Variants in PCDH17 observed in about 807,000 individuals in gnomAD.
PCDH17 encodes the protein protocadherin 17.
In PCDH17, 21 loss-of-function variants were observed where a neutral mutation model predicts 67.7. The ratio of observed to expected loss-of-function variants is 0.31; its 90% CI spans 0.22 to 0.45. The LOEUF is 0.45. Ranked by LOEUF, PCDH17 falls within the 20% of genes least tolerant of loss-of-function variation. The probability of loss-of-function intolerance (pLI) is 1.00; values close to 1 mark genes in which losing one functional copy is unlikely to be tolerated. For synonymous variants in PCDH17, 701 were observed against 656.7 expected (o/e 1.07, Z -1.03); for missense variants, 1,471 against 1,564.8 (o/e 0.94, Z 1.01).
chr13:57,711,272 C>T (rs1203698706), intron 3 of PCDH17, among the ~76,000 whole-genome samples: 1 of 151,886 alleles, frequency 6.6e-6, no homozygotes, highest in Non-Finnish European at 1.5e-5. Context: ...CATGCACAGG[C>T]ACATGTACAC....
chr13:57,659,250 A>G (rs866751719), intron 1 of PCDH17, among the ~76,000 whole-genome samples: 10 of 152,286 alleles, frequency 6.6e-5, no homozygotes, highest in South Asian at 4.1e-4. Flanking sequence ...CATAGAATAC[A>G]GTTTCCTACT....
intron 1 of PCDH17, among the ~76,000 whole-genome samples, chr13:57,646,698 C>T (rs1420368504): frequency 7.9e-5 from 12 of 151,648 alleles, no homozygotes; most frequent in African/African-American, 2.7e-4. Flanking sequence ...TTTCAACCTT[C>T]GTAGACAAGA....
intron 1 of PCDH17, among the ~76,000 whole-genome samples, chr13:57,638,348 C>G (rs893227988): frequency 6.6e-6 from 1 of 152,056 alleles, no homozygotes; most frequent in Non-Finnish European, 1.5e-5. Context: ...GGTGACTTCT[C>G]AACAGGTGTT....
chr13:57,668,823 C>T lies in PCDH17; in HGVS notation c.2797+1990C>T, dbSNP rs541702623. Among the ~76,000 whole-genome samples, 14 of 152,086 alleles carry T rather than the reference C, an allele frequency of 9.2e-5. No individual in the cohort carries two copies. The South Asian group carries it at 2.5e-3, about 27-fold the overall frequency. ...ATTATGTGTAAAAGACTGGCTTCCA[C>T]TTTAAAGCATGATTTATATATATAT... On this transcript the variant is annotated intron_variant, in intron 3 of 3. Transcript: ENST00000377918.
At chr13:57,687,552 A>T (rs1182110501) in intron 3 of PCDH17, among the ~76,000 whole-genome samples, 4 of 151,942 alleles carry the variant, frequency 2.6e-5, no homozygotes, top group South Asian at 2.1e-4. Flanking sequence ...TCATTTTTTT[A>T]AAAAATCTAA....
intron 3 of PCDH17, among the ~76,000 whole-genome samples, chr13:57,707,334 C>CGT (rs56840875): frequency 0.11 from 16,318 of 145,644 alleles, 901 homozygotes; most frequent in Admixed American, 0.14. Flanking sequence ...GATATATGAC[C>CGT]GTGTGTGTGT....
At chr13:57,692,409 G>C (rs1180899140) in intron 3 of PCDH17, among the ~76,000 whole-genome samples, 1 of 151,132 alleles carries the variant, frequency 6.6e-6, no homozygotes, top group Non-Finnish European at 1.5e-5. Flanking sequence ...AAGTTAACTA[G>C]GCTGACATTT....
intron 3 of PCDH17, among the ~76,000 whole-genome samples, chr13:57,679,232 G>T (rs1049908586): frequency 6.6e-6 from 1 of 151,106 alleles, no homozygotes; most frequent in Admixed American, 6.6e-5. Flanking sequence ...TTCTTGACAA[G>T]TTATATTGAT....
At chr13:57,668,019 C>T (rs1955276738) in intron 3 of PCDH17, among the ~76,000 whole-genome samples, 1 of 151,292 alleles carries the variant, frequency 6.6e-6, no homozygotes, top group African/African-American at 2.4e-5. Context: ...GTAGTAATTG[C>T]TAGACCGATG....
At chr13:57,646,169 A>G (rs1002715813) in intron 1 of PCDH17, among the ~76,000 whole-genome samples, 1 of 151,640 alleles carries the variant, frequency 6.6e-6, no homozygotes, top group African/African-American at 2.4e-5. Flanking sequence ...TAATAAGCCA[A>G]CTTACAACAT....
chr13:57,725,418 G>T lies in PCDH17; in HGVS notation c.*124G>T. On this transcript the variant is annotated 3_prime_UTR_variant, in exon 4 of 4. Transcript: ENST00000377918. Reference sequence around the variant, plus strand: ...GACCAATGCTGCTTTAAGGCTTTTAGTGAACATCTGAAGTGCCCACAAGTA... The same window carrying T: ...GACCAATGCTGCTTTAAGGCTTTTATTGAACATCTGAAGTGCCCACAAGTA... 1.3e-6 allele frequency: 1 copy of T among 787,632 alleles called. No individual in the cohort carries two copies. The highest frequency in any genetic ancestry group is 2.0e-6 in the Non-Finnish European group (1 of 503,002). 48.8% of individuals were successfully genotyped at this position (787,632 alleles called of 1,614,324 possible).
At chr13:57,702,832 G>A (rs535893474) in intron 3 of PCDH17, among the ~76,000 whole-genome samples, 5 of 152,190 alleles carry the variant, frequency 3.3e-5, no homozygotes, top group South Asian at 4.1e-4. Flanking sequence ...GAACTGCTGC[G>A]ACAATGAGTT....
In PCDH17 at chr13:57,724,074, CAGT is replaced by C. The variant is rs1404822443; in HGVS notation, c.2798-535_2798-533del. 5.3e-5 allele frequency among the ~76,000 whole-genome samples: 8 copies of C among 152,226 alleles called. No homozygotes were observed. In the East Asian group the frequency reaches 1.5e-3, roughly 29 times the overall value. ...GATAAAAAATTCCATTTGCCACTCT[CAGT>C]AGGAAAAGTAAGCATTTAAAGGAAA... On this transcript the variant is annotated intron_variant, in intron 3 of 3. Transcript: ENST00000377918.
chr13:57,660,601 A>G (rs1955171073), intron 1 of PCDH17, among the ~76,000 whole-genome samples: 1 of 152,204 alleles, frequency 6.6e-6, no homozygotes. Context: ...GACTGTTCAT[A>G]CATGTGTAGT....
intron 3 of PCDH17, among the ~76,000 whole-genome samples, chr13:57,679,047 G>A (rs769333022): frequency 4.0e-5 from 6 of 151,364 alleles, no homozygotes; most frequent in African/African-American, 7.2e-5. Context: ...CTGAATACTC[G>A]CACTAAATAG....
intron 3 of PCDH17, among the ~76,000 whole-genome samples, chr13:57,699,917 C>A (rs1218444103): frequency 6.6e-6 from 1 of 152,006 alleles, no homozygotes; most frequent in African/African-American, 2.4e-5. Context: ...CTCTTCAGAA[C>A]AAAACAAAGG....
intron 3 of PCDH17, among the ~76,000 whole-genome samples, chr13:57,712,442 A>ATTTCC (rs1955785041): frequency 6.6e-6 from 1 of 151,760 alleles, no homozygotes; most frequent in African/African-American, 2.4e-5. Context: ...CCTAAGCATT[A>ATTTCC]TAAAGAAATG....
intron 3 of PCDH17, among the ~76,000 whole-genome samples, chr13:57,684,501 T>A (rs1394569021): frequency 1.3e-5 from 2 of 151,936 alleles, no homozygotes. Flanking sequence ...GAACTTGTCC[T>A]TAAAATTCCA....
At chr13:57,721,608 G>A (rs910127194) in intron 3 of PCDH17, among the ~76,000 whole-genome samples, 6 of 152,016 alleles carry the variant, frequency 3.9e-5, no homozygotes, top group Admixed American at 6.6e-5. Flanking sequence ...GAAGGTACAC[G>A]TGTCAGAAAT....
Sources: allele counts gnomAD v4.1 joint callset (sites outside exome capture counted in the v4.1 genomes callset), GRCh38; gene constraint gnomAD v4.1.1; transcripts MANE v1.5; gene names NCBI Gene and HGNC (gene_info 2026-07-23, HGNC 2026-07-21).